Variants in GNAI1 observed in about 807,000 individuals in gnomAD.
GNAI1 encodes G protein subunit alpha i1.
GNAI1 carries 11 observed loss-of-function variants against 38.9 expected under a neutral mutation model. The observed-to-expected ratio is 0.28, with a 90% CI of 0.18 to 0.47. The LOEUF is 0.47. Ranked by LOEUF, GNAI1 falls within the 20% of genes least tolerant of loss-of-function variation. The pLI is 0.99. For synonymous variants in GNAI1, 166 were observed against 145.1 expected (o/e 1.14, Z -1.04); for missense variants, 317 against 436.9 (o/e 0.73, Z 2.45).
intron 1 of GNAI1, among the ~76,000 whole-genome samples, chr7:80,181,320 T>C (rs1277321308): frequency 2.0e-5 from 3 of 152,176 alleles, no homozygotes; most frequent in Non-Finnish European, 2.9e-5. Context: ...TAACATTTGC[T>C]TAAGTATCTT....
intron 7 of GNAI1, among the ~76,000 whole-genome samples, chr7:80,216,541 T>G (rs938438284): frequency 1.3e-5 from 2 of 152,184 alleles, no homozygotes; most frequent in Admixed American, 6.5e-5. Flanking sequence ...GCATCTAGCT[T>G]CTTTTGCTCA....
intron 1 of GNAI1, among the ~76,000 whole-genome samples, chr7:80,168,450 C>G (rs11765361): frequency 6.6e-6 from 1 of 152,090 alleles, no homozygotes. Flanking sequence ...TGCAGTGGCA[C>G]GATCTCGGCT....
intron 5 of GNAI1, among the ~76,000 whole-genome samples, chr7:80,204,306 G>A (rs543725978): frequency 6.6e-6 from 1 of 152,054 alleles, no homozygotes; most frequent in East Asian, 1.9e-4. Context: ...TAGTCCTTAT[G>A]CACTATTTCA....
At chr7:80,189,294 C>G in intron 3 of GNAI1, 63 bp downstream of exon 3, 2 of 1,363,874 alleles carry the variant, frequency 1.5e-6, no homozygotes, top group Non-Finnish European at 2.1e-6. Context: ...TATGCTAATA[C>G]CATACTGTGT....
At chr7:80,135,895 G>A (rs1381427620) in intron 1 of GNAI1, 1 of 985,254 alleles carries the variant, frequency 1.0e-6, no homozygotes, top group African/African-American at 1.7e-5. Context: ...CTGGATGCTT[G>A]ATTTTTCTTG....
intron 1 of GNAI1, among the ~76,000 whole-genome samples, chr7:80,183,250 G>A (rs1348417346): frequency 6.6e-6 from 1 of 152,108 alleles, no homozygotes; most frequent in African/African-American, 2.4e-5. Flanking sequence ...AGGGAGAATT[G>A]AACGTTTTAT....
At position 80,137,317 on chromosome 7, in the gene GNAI1, C is replaced by CTTTTTTTTTTTTTTT. The variant is rs398005254; in HGVS notation, c.118+2046_118+2060dup. On this transcript the variant is annotated intron_variant, in intron 1 of 7. Coordinates refer to ENST00000649796, the MANE Select transcript of GNAI1 (RefSeq NM_002069.6). ...TCTTTTTTTTTTTTTCTTTTCTTTT[C>CTTTTTTTTTTTTTTT]TTTTTTTTTTTTTTTTTTTTTGAGA... Among the ~76,000 whole-genome samples the CTTTTTTTTTTTTTTT allele has an allele frequency of 6.9e-4, 37 of 53,986 alleles. 2 individuals carry two copies. Among genetic ancestry groups the CTTTTTTTTTTTTTTT allele is most frequent in the East Asian group, 1.1e-3 (2 of 1,794 alleles). 35.4% of individuals were successfully genotyped at this position (53,986 alleles called of 152,430 possible).
rs1434894043 is a variant in GNAI1 at position 80,217,319 on chromosome 7, A to G, written c.891A>G (p.Glu297=). 2 of 1,578,170 alleles carry G rather than the reference A, an allele frequency of 1.3e-6. No homozygotes were observed. The highest frequency in any genetic ancestry group is 1.2e-5 in the South Asian group (1 of 84,140). Residue 297 remains glutamate (E), a synonymous_variant, in exon 8 of 8, where the codon GAA becomes GAG. Transcript: ENST00000649796. ...YPEYAGSNTY[E]EAAAYIQCQF... ...CCATCTCAGGATCAAACACATATGA[A>G]GAGGCAGCTGCATATATTCAATGTC... is the stretch of plus-strand genomic sequence containing the variant.
intron 1 of GNAI1, among the ~76,000 whole-genome samples, chr7:80,174,179 CTAAA>C (rs1005133460): frequency 2.6e-4 from 39 of 152,074 alleles, no homozygotes; most frequent in Middle Eastern, 6.8e-3. Context: ...CCATTTTTTT[CTAAA>C]TAAATCGCAT....
rs568786937 is a variant in GNAI1, at chr7:80,217,225, T to TGTATGAAACTGACTTCAGTTTCATAC, written c.875-66_875-65insCTTCAGTTTCATACGTATGAAACTGA. 128 of 905,162 alleles carry TGTATGAAACTGACTTCAGTTTCATAC rather than the reference T, an allele frequency of 1.4e-4. 1 individual carries two copies. The East Asian group carries it at 2.5e-3, about 17-fold the overall frequency. 56.1% of individuals were successfully genotyped at this position (905,162 alleles called of 1,614,324 possible). A position where few individuals can be genotyped will look rare whatever the true frequency, so the allele number is the denominator to read the frequency against. ...GTATGAAACTGACTTCAGTTTCATA[T>TGTATGAAACTGACTTCAGTTTCATAC]GTATGAAACTGAATTCAGTATTTTA... On this transcript the variant is annotated intron_variant, in intron 7 of 7. Transcript: ENST00000649796.
At chr7:80,175,349 T>C (rs13227898) in intron 1 of GNAI1, among the ~76,000 whole-genome samples, 3,733 of 149,552 alleles carry the variant, frequency 0.025, 46 homozygotes, top group Middle Eastern at 0.051. Flanking sequence ...TTAAAAAATA[T>C]ATATGTGTAT....
Position 80,220,807 on chromosome 7 carries a change from T to C in GNAI1, c.*3314T>C, listed in dbSNP as rs1176705902. Among the ~76,000 whole-genome samples the C allele has an allele frequency of 1.3e-5, 2 of 152,182 alleles. No homozygotes were observed. The highest frequency in any genetic ancestry group is 3.9e-4 in the East Asian group (2 of 5,192). On this transcript the variant is annotated 3_prime_UTR_variant, in exon 8 of 8. Transcript: ENST00000649796. ...AACCTAGAGCTTCTGACTCCATGTC[T>C]GTCAGAGGACCCCAAAGATGCTACC... is the stretch of plus-strand genomic sequence containing the variant.
chr7:80,221,671 T>C lies in GNAI1; in HGVS notation c.*4178T>C, dbSNP rs1789080550. On this transcript the variant is annotated 3_prime_UTR_variant, in exon 8 of 8. Transcript: ENST00000649796. ...TTTTTTTTTTTTTTTTGGTATGGAG[T>C]CTTGCTCCTTCACCAGGCTGGAGTG... 8.0e-6 allele frequency among the ~76,000 whole-genome samples: 1 copy of C among 124,286 alleles called. No homozygotes were observed. The highest frequency in any genetic ancestry group is 1.6e-5 in the Non-Finnish European group (1 of 62,064). 81.5% of individuals were successfully genotyped at this position (124,286 alleles called of 152,430 possible).
At chr7:80,138,083 C>A (rs576708124) in intron 1 of GNAI1, among the ~76,000 whole-genome samples, 3 of 152,256 alleles carry the variant, frequency 2.0e-5, no homozygotes, top group African/African-American at 7.2e-5. Context: ...AGTGTCACAG[C>A]CATTTACATT....
chr7:80,151,114 G>A (rs1346981425), intron 1 of GNAI1, among the ~76,000 whole-genome samples: 6 of 152,168 alleles, frequency 3.9e-5, no homozygotes, highest in Non-Finnish European at 8.8e-5. Flanking sequence ...CCTTGCCACA[G>A]TATGAGAACT....
rs1382334771 is a variant in GNAI1 at position 80,202,331 on chromosome 7, G to C, written c.462-1373G>C. Among the ~76,000 whole-genome samples the C allele has an allele frequency of 2.0e-5, 3 of 151,992 alleles. No homozygotes were observed. In the South Asian group the frequency reaches 6.2e-4, roughly 32 times the overall value. ...TCTTGATTGCCTGACCTCGTGATCC[G>C]CCCACCTCGGCCTCACAAAGTGCTG... On this transcript the variant is annotated intron_variant, in intron 4 of 7. Coordinates refer to ENST00000649796, the MANE Select transcript of GNAI1 (RefSeq NM_002069.6).
At chr7:80,185,570 A>C (rs1788372021) in intron 1 of GNAI1, among the ~76,000 whole-genome samples, 1 of 152,112 alleles carries the variant, frequency 6.6e-6, no homozygotes, top group African/African-American at 2.4e-5. Flanking sequence ...TAAAAACGCT[A>C]GCCCCAAACT....
chr7:80,181,814 A>G (rs941958651), intron 1 of GNAI1, among the ~76,000 whole-genome samples: 1 of 152,210 alleles, frequency 6.6e-6, no homozygotes, highest in African/African-American at 2.4e-5. Flanking sequence ...GTTTTACTAT[A>G]TGGGTACGTA....
At chr7:80,217,178 T>C in intron 7 of GNAI1, 125 bp from the exon 8 acceptor site, 1 of 175,040 alleles carries the variant, frequency 5.7e-6, no homozygotes, top group Non-Finnish European at 1.0e-5. Flanking sequence ...AAAGCACAGT[T>C]AAGGAGTCCA....
Sources: allele counts gnomAD v4.1 joint callset (sites outside exome capture counted in the v4.1 genomes callset), GRCh38; gene constraint gnomAD v4.1.1; transcripts MANE v1.5; gene names NCBI Gene and HGNC (gene_info 2026-07-23, HGNC 2026-07-21).